Variants in MTSS1 observed in about 807,000 individuals in gnomAD.
MTSS1 encodes the protein protein MTSS 1.
MTSS1 carries 18 observed loss-of-function variants against 79.0 expected under a neutral mutation model. The observed-to-expected ratio is 0.23, with a 90% CI of 0.16 to 0.34. The LOEUF is 0.34. MTSS1 is among the 10% of genes least tolerant of loss of function. The pLI is 1.00. For missense variants in MTSS1, 815 were observed against 986.2 expected, an observed-to-expected ratio of 0.83 and a Z score of 2.33; for synonymous variants, 341 against 368.6, an observed-to-expected ratio of 0.93 and a Z score of 0.86.
At chr8:124,618,973 A>G (rs1179343662) in intron 3 of MTSS1, among the ~76,000 whole-genome samples, 1 of 152,232 alleles carries the variant, frequency 6.6e-6, no homozygotes, top group East Asian at 1.9e-4. Flanking sequence ...GATGTTTACT[A>G]AGTTTGCCTT....
chr8:124,577,473 C>T (rs1182603758), intron 6 of MTSS1: 10 of 475,332 alleles, frequency 2.1e-5, no homozygotes, highest in Non-Finnish European at 3.8e-5. Flanking sequence ...TGGTCTCAGA[C>T]TCATGACCTC....
At chr8:124,687,151 G>C (rs1827118224) in intron 3 of MTSS1, among the ~76,000 whole-genome samples, 1 of 152,164 alleles carries the variant, frequency 6.6e-6, no homozygotes, top group South Asian at 2.1e-4. Context: ...ACAAACGCCA[G>C]AGCGATGGGC....
At chr8:124,594,550 T>TAAAGG (rs573633084) in intron 3 of MTSS1, among the ~76,000 whole-genome samples, 25 of 150,130 alleles carry the variant, frequency 1.7e-4, no homozygotes, top group Middle Eastern at 6.9e-3. Flanking sequence ...ACAAAAGAAA[T>TAAAGG]AAAGGAAAGG....
chr8:124,610,662 A>G (rs2133259012), intron 3 of MTSS1, among the ~76,000 whole-genome samples: 1 of 152,296 alleles, frequency 6.6e-6, no homozygotes, highest in South Asian at 2.1e-4. Flanking sequence ...CATCTCCAGG[A>G]CCAGAGAACT....
chr8:124,555,724 C>A lies in MTSS1; in HGVS notation c.1567+18G>T. 1 of 1,591,018 alleles carries A rather than the reference C, an allele frequency of 6.3e-7. No individual in the cohort carries two copies. The highest frequency in any genetic ancestry group is 8.6e-7 in the Non-Finnish European group (1 of 1,168,794). Reference sequence around the variant, plus strand: ...GCTGCTCAGAAAGCCTAAGTGCACACCCCAGGCTGCCTCGTACCTTGGGAA... The same window carrying A: ...GCTGCTCAGAAAGCCTAAGTGCACAACCCAGGCTGCCTCGTACCTTGGGAA... On this transcript the variant is annotated intron_variant, in intron 13 of 13. Transcript: ENST00000518547.
At chr8:124,578,172 T>C (rs1400659825) in intron 6 of MTSS1, among the ~76,000 whole-genome samples, 1 of 152,022 alleles carries the variant, frequency 6.6e-6, no homozygotes, top group Admixed American at 6.5e-5. Flanking sequence ...GGAGACGCGG[T>C]CCAGGAAGCC....
rs1349501729 is a variant in MTSS1, at chr8:124,557,879, GAAAC to G, written c.1036-8_1036-5del. The G allele has an allele frequency of 2.2e-5, 31 of 1,435,082 alleles. No individual in the cohort carries two copies. The highest frequency in any genetic ancestry group is 1.0e-4 in the South Asian group (8 of 77,878). 88.9% of individuals were successfully genotyped at this position (1,435,082 alleles called of 1,614,324 possible). A position where few individuals can be genotyped will look rare whatever the true frequency, so the allele number is the denominator to read the frequency against. ...AGTGAGAAAACCCGTTAGACAACTGGAAACAAACAAAAAAAGGGGGGGGGAAGGA... is the reference window on the plus strand; with the variant it reads ...AGTGAGAAAACCCGTTAGACAACTGGAAACAAAAAAAGGGGGGGGGAAGGA... On this transcript the variant is annotated splice_region_variant and splice_polypyrimidine_tract_variant and intron_variant, in intron 10 of 13. Transcript: ENST00000518547.
At chr8:124,634,794 G>C (rs563565441) in intron 3 of MTSS1, among the ~76,000 whole-genome samples, 44 of 152,290 alleles carry the variant, frequency 2.9e-4, no homozygotes, top group African/African-American at 1.1e-3. Flanking sequence ...TCACCTGGGA[G>C]TGTGACGGAA....
chr8:124,669,191 C>T (rs1823668330), intron 3 of MTSS1, among the ~76,000 whole-genome samples: 1 of 152,230 alleles, frequency 6.6e-6, no homozygotes, highest in South Asian at 2.1e-4. Flanking sequence ...GAGAAGATTT[C>T]AGCCCCACGG....
At chr8:124,568,240 C>T (rs1412349196) in intron 7 of MTSS1, 139 bp downstream of exon 7, 10 of 973,472 alleles carry the variant, frequency 1.0e-5, no homozygotes, top group Middle Eastern at 3.3e-4. Flanking sequence ...TGCACTGAAT[C>T]GCTGGTCTGT....
intron 1 of MTSS1, among the ~76,000 whole-genome samples, chr8:124,719,147 A>G (rs559923486): frequency 6.6e-6 from 1 of 152,336 alleles, no homozygotes; most frequent in African/African-American, 2.4e-5. Flanking sequence ...CCTGGACTCA[A>G]CTAACTCCCA....
Position 124,699,509 on chromosome 8 carries a change from A to G in MTSS1, c.208+17T>C, listed in dbSNP as rs1204608382. On this transcript the variant is annotated intron_variant, in intron 3 of 13. Transcript: ENST00000518547. Reference sequence around the variant, plus strand: ...CAGAATGCAGTTAACACTGGGAGTCAGCCTCCATCTGCTTACCACGTGTGT... The same window carrying G: ...CAGAATGCAGTTAACACTGGGAGTCGGCCTCCATCTGCTTACCACGTGTGT... The G allele has an allele frequency of 6.2e-7, 1 of 1,613,186 alleles. No individual in the cohort carries two copies. The highest frequency in any genetic ancestry group is 1.1e-5 in the South Asian group (1 of 91,044).
In MTSS1 at chr8:124,564,518, C is replaced by T. The variant is rs201924745; in HGVS notation, c.824+1144G>A. The stretch of plus-strand genomic sequence containing the variant: ...CAGCCAGAAGGCGGCAGTTGGGGAC[C>T]GACAGTAAAGCTCACAGCAACTCCA... On this transcript the variant is annotated intron_variant, in intron 9 of 13. Coordinates refer to ENST00000518547, the MANE Select transcript of MTSS1 (RefSeq NM_014751.6). 9.9e-5 allele frequency among the ~76,000 whole-genome samples: 15 copies of T among 152,130 alleles called. No individual in the cohort carries two copies. In the East Asian group the frequency reaches 2.7e-3, roughly 27 times the overall value.
At chr8:124,659,517 A>C (rs1821608801) in intron 3 of MTSS1, among the ~76,000 whole-genome samples, 1 of 152,204 alleles carries the variant, frequency 6.6e-6, no homozygotes, top group African/African-American at 2.4e-5. Flanking sequence ...CCTAAAAATC[A>C]CATGGCGCTG....
intron 10 of MTSS1, among the ~76,000 whole-genome samples, chr8:124,561,834 A>G (rs1004426630): frequency 3.3e-5 from 5 of 151,924 alleles, no homozygotes; most frequent in African/African-American, 1.2e-4. Context: ...TGGGACACGC[A>G]CTCTCAAGCA....
chr8:124,691,017 A>C (rs763009497), intron 3 of MTSS1, among the ~76,000 whole-genome samples: 4 of 152,230 alleles, frequency 2.6e-5, no homozygotes, highest in Non-Finnish European at 5.9e-5. Context: ...AGCACACCCC[A>C]AACAATGACA....
At chr8:124,602,207 A>ACACACACACACACATATATATAT in intron 3 of MTSS1, among the ~76,000 whole-genome samples, 44 of 142,158 alleles carry the variant, frequency 3.1e-4, no homozygotes, top group Admixed American at 6.2e-4. Context: ...ATATATATAT[A>ACACACACACACACATATATATAT]ATTTTTTTTT....
At chr8:124,599,499 A>G (rs1239115626) in intron 3 of MTSS1, among the ~76,000 whole-genome samples, 2 of 140,272 alleles carry the variant, frequency 1.4e-5, no homozygotes, top group South Asian at 2.2e-4. Context: ...AAAAAAAAAA[A>G]AAAGAGAGAG....
chr8:124,676,244 T>G (rs1825267379), intron 3 of MTSS1, among the ~76,000 whole-genome samples: 1 of 152,242 alleles, frequency 6.6e-6, no homozygotes, highest in South Asian at 2.1e-4. Flanking sequence ...TGGACATTAT[T>G]CCTAACATGC....
Sources: gnomAD v4.1 joint callset for allele counts (sites outside exome capture counted in the v4.1 genomes callset) on GRCh38, gnomAD v4.1.1 for gene constraint, MANE v1.5 for transcripts, NCBI Gene and HGNC (gene_info 2026-07-23, HGNC 2026-07-21) for gene names.